FASTK: variants seen among roughly 807,000 people sequenced by gnomAD.
FASTK encodes Fas activated serine/threonine kinase, also known as fas-activated serine/threonine kinase.
Under a neutral mutation model 60.0 loss-of-function variants are expected in FASTK, and 28 were observed. The ratio of observed to expected loss-of-function variants is 0.47; its 90% confidence interval spans 0.35 to 0.64. The LOEUF is 0.64. Ranked by LOEUF, FASTK falls within the 30% of genes least tolerant of loss-of-function variation. The probability of loss-of-function intolerance (pLI) is 0.01; values close to 1 mark genes in which losing one functional copy is unlikely to be tolerated. For synonymous variants in FASTK, 325 were observed against 307.9 expected, an observed-to-expected ratio of 1.06 and a Z score of -0.58; for missense variants, 595 against 713.8, an observed-to-expected ratio of 0.83 and a Z score of 1.90.
At chr7:151,077,466 G>T in intron 6 of FASTK, 65 bp from the exon 7 acceptor site, 1 of 1,562,780 alleles carries the variant, frequency 6.4e-7, no homozygotes. Flanking sequence ...TCCCAGTCTA[G>T]TGCCACCACC....
At chr7:151,079,315 C>T (rs1563383177) in intron 2 of FASTK, 185 bp downstream of exon 2, 4 of 639,506 alleles carry the variant, frequency 6.3e-6, no homozygotes, top group Non-Finnish European at 1.1e-5. Context: ...GGGGTGGCAC[C>T]CTAGCGAGGC....
chr7:151,077,164 G>A lies in FASTK; in HGVS notation c.1364C>T (p.Pro455Leu). Reference protein sequence around the residue: ...VRTQDPFLPYPPRSCPQGQAA... With the variant: ...VRTQDPFLPYLPRSCPQGQAA... ...CTGGCCCTGTGGGCAGGACCTTGGT[G>A]GGTATGGCAGGAAGGGGTCCTGGGT... Residue 455 changes from proline (P) to leucine (L), a missense_variant, in exon 8 of 10, where the codon CCA becomes CTA. Around this residue, in one of 2 missense-constraint regions of FASTK, gnomAD observed 471 missense variants for 605.9 expected, o/e 0.78. Transcript: ENST00000297532. 1.2e-6 allele frequency: 2 copies of A among 1,613,352 alleles called. No individual in the cohort carries two copies. Among genetic ancestry groups the A allele is most frequent in the Non-Finnish European group, 1.7e-6 (2 of 1,179,736 alleles).
rs778477798 is a variant in FASTK, at chr7:151,079,483, C to T, written c.505+17G>A. 2 of 1,570,916 alleles carry T rather than the reference C, an allele frequency of 1.3e-6. No homozygotes were observed. Among genetic ancestry groups the T allele is most frequent in the South Asian group, 1.2e-5 (1 of 85,186 alleles). The stretch of plus-strand genomic sequence containing the variant: ...AACACCTAGCCCCCCAGGCGCCCAC[C>T]TCAAGCCCCTCCTCACCAAGTAAGA... On this transcript the variant is annotated intron_variant, in intron 2 of 9. Coordinates refer to ENST00000297532, the MANE Select transcript of FASTK (RefSeq NM_006712.5).
At chr7:151,077,581 C>T (rs756639318) in intron 6 of FASTK, 40 bp downstream of exon 6, 9 of 1,529,922 alleles carry the variant, frequency 5.9e-6, no homozygotes, top group Non-Finnish European at 7.9e-6. Flanking sequence ...CTGCTGGTCC[C>T]AGGCTGGCCC....
chr7:151,077,549 T>C, intron 6 of FASTK, 72 bp downstream of exon 6: 1 of 1,515,644 alleles, frequency 6.6e-7, no homozygotes, highest in Non-Finnish European at 8.9e-7. Flanking sequence ...TGGCGCTTCA[T>C]GGTCCCTCTG....
Position 151,080,720 on chromosome 7 carries a change from G to C in FASTK, c.47C>G (p.Thr16Ser). 7 of 1,355,338 alleles carry C rather than the reference G, an allele frequency of 5.2e-6. No homozygotes were observed. The highest frequency in any genetic ancestry group is 6.6e-6 in the Non-Finnish European group (7 of 1,055,572). 84.0% of individuals were successfully genotyped at this position (1,355,338 alleles called of 1,614,324 possible). Residue 16 changes from threonine to serine, a missense_variant, in exon 1 of 10, where the codon ACT becomes AGT. Thr to Ser is a moderately conservative substitution (Grantham distance 58, BLOSUM62 1). Coordinates refer to ENST00000297532, the MANE Select transcript of FASTK (RefSeq NM_006712.5). ...GGGCCCTGCGCAGGTCGCTCCCTCA[G>C]TCGGTCTCGGGGCCCGGGGGCCGGG... ...GEPGPRAPRP[T>S]EGATCAGPGE...
Position 151,077,650 on chromosome 7 carries a change from G to A in FASTK, c.1170C>T (p.Leu390=), listed in dbSNP as rs769664047. The change falls in exon 6 of 10, where the codon CTC becomes CTT. Residue 390 remains leucine (L), a synonymous_variant. Transcript: ENST00000297532. The stretch of plus-strand genomic sequence containing the variant: ...ACTTGCAGCGGGCACGGTCGGTGAT[G>A]AGAGGCTGGGGAAAGATGGGCACTT... ...RQQVPIFPQP[L]ITDRARCKYS... 3 of 1,564,070 alleles carry A rather than the reference G, an allele frequency of 1.9e-6. No homozygotes were observed. Among genetic ancestry groups the A allele is most frequent in the South Asian group, 1.2e-5 (1 of 83,422 alleles).
intron 4 of FASTK, 54 bp downstream of exon 4, chr7:151,078,508 G>C (rs1797796290): frequency 1.3e-6 from 2 of 1,595,710 alleles, no homozygotes; most frequent in Non-Finnish European, 8.6e-7. Context: ...CGCTGGGCCT[G>C]ACAAGGTCCC....
chr7:151,079,086 A>T (rs1797836532), intron 2 of FASTK, 65 bp from the exon 3 acceptor site: 1 of 1,356,048 alleles, frequency 7.4e-7, no homozygotes, highest in African/African-American at 1.5e-5. Flanking sequence ...TCATGGGGTT[A>T]CTTGGTGAAT....
intron 1 of FASTK, 184 bp downstream of exon 1, chr7:151,080,501 G>A: frequency 7.8e-7 from 1 of 1,286,022 alleles, no homozygotes; most frequent in Admixed American, 4.2e-5. Context: ...AAATGAAAAC[G>A]CAGCGCCCAC....
intron 1 of FASTK, 200 bp from the exon 2 acceptor site, chr7:151,080,122 G>A: frequency 3.5e-6 from 2 of 578,582 alleles, no homozygotes; most frequent in Non-Finnish European, 6.1e-6. Flanking sequence ...AGTGCGCTCA[G>A]CGCAGCACTA....
In FASTK at chr7:151,076,712, C is replaced by T. The variant is rs769389745; in HGVS notation, c.*13G>A. On this transcript the variant is annotated 3_prime_UTR_variant, in exon 10 of 10. Transcript: ENST00000297532. ...CCCCATGGGGGGGCCATCCTGAACC[C>T]CACATCAACCCCTCAGCCCCCTTCA... The T allele has an allele frequency of 2.0e-6, 3 of 1,529,540 alleles. No individual in the cohort carries two copies. The highest frequency in any genetic ancestry group is 2.1e-5 in the Admixed American group (1 of 48,072). 94.7% of individuals were successfully genotyped at this position (1,529,540 alleles called of 1,614,324 possible). A position where few individuals can be genotyped will look rare whatever the true frequency, so the allele number is the denominator to read the frequency against.
rs746579421 is a variant in FASTK at position 151,079,733 on chromosome 7, T to G, written c.272A>C (p.Gln91Pro). The G allele has an allele frequency of 3.1e-6, 5 of 1,601,042 alleles. No individual in the cohort carries two copies. Among genetic ancestry groups the G allele is most frequent in the Non-Finnish European group, 4.3e-6 (5 of 1,174,318 alleles). Residue 91 changes from glutamine to proline, a missense_variant, in exon 2 of 10, where the codon CAG (glutamine) becomes CCG (proline). This residue lies in a region of FASTK where 471 missense variants were observed against 605.9 expected (regional missense o/e 0.78). Transcript: ENST00000297532. Reference protein sequence around the residue: ...PVQGLQRLLEQAKSPGELLRW... With the variant: ...PVQGLQRLLEPAKSPGELLRW... Reference sequence around the variant, plus strand: ...CAGCAGCTCCCCAGGGCTCTTCGCCTGTTCCAGAAGCCGCTGCAGTCCTTG... The same window carrying G: ...CAGCAGCTCCCCAGGGCTCTTCGCCGGTTCCAGAAGCCGCTGCAGTCCTTG...
Position 151,077,316 on chromosome 7 carries a change from A to G in FASTK, c.1285T>C (p.Cys429Arg). 6.2e-7 allele frequency: 1 copy of G among 1,613,096 alleles called. No homozygotes were observed. Among genetic ancestry groups the G allele is most frequent in the Non-Finnish European group, 8.5e-7 (1 of 1,180,008 alleles). ...RQDLTVPPGY[C>R]TDFLLCASSS... Reference sequence around the variant, plus strand: ...CCGCCTGCCCCTTGCTCACCTGTGCAGTAGCCTGGAGGCACAGTCAGGTCC... The same window carrying G: ...CCGCCTGCCCCTTGCTCACCTGTGCGGTAGCCTGGAGGCACAGTCAGGTCC... The change falls in exon 7 of 10, where the codon TGC becomes CGC. Residue 429 changes from cysteine to arginine, a missense_variant. Cys to Arg is a radical substitution (Grantham distance 180). Transcript: ENST00000297532.
chr7:151,079,596 C>T lies in FASTK; in HGVS notation c.409G>A (p.Val137Ile), dbSNP rs1274694715. 7 of 1,613,992 alleles carry T rather than the reference C, an allele frequency of 4.3e-6. No homozygotes were observed. ...SRPRPPPVEQ[V>I]TLQDLSQLII... ...AGCTGACTCAAGTCCTGCAGTGTGA[C>T]CTGCTCCACAGGAGGGGGCCGTGGC... The change falls in exon 2 of 10, where the codon GTC becomes ATC. Residue 137 changes from valine (V) to isoleucine (I), a missense_variant. Val to Ile is a conservative substitution (Grantham distance 29). Around this residue, in one of 2 missense-constraint regions of FASTK, gnomAD observed 471 missense variants for 605.9 expected, o/e 0.78. Coordinates refer to ENST00000297532, the MANE Select transcript of FASTK (RefSeq NM_006712.5).
Position 151,078,551 on chromosome 7 carries a change from G to A in FASTK, c.825+11C>T, listed in dbSNP as rs1167926294. The A allele has an allele frequency of 6.2e-7, 1 of 1,612,090 alleles. No individual in the cohort carries two copies. The highest frequency in any genetic ancestry group is 1.7e-5 in the Admixed American group (1 of 59,982). Reference sequence around the variant, plus strand: ...GACAGAGATGCACTGGAGGGTGGGTGGCAAGCCCACCTTGCTGCTGAGTTG... The same window carrying A: ...GACAGAGATGCACTGGAGGGTGGGTAGCAAGCCCACCTTGCTGCTGAGTTG... On this transcript the variant is annotated intron_variant, in intron 4 of 9. Coordinates refer to ENST00000297532, the MANE Select transcript of FASTK (RefSeq NM_006712.5).
In FASTK at chr7:151,077,307, C is replaced by T; in HGVS notation, c.1291+3G>A. On this transcript the variant is annotated splice_donor_region_variant and intron_variant, in intron 7 of 9. Coordinates refer to ENST00000297532, the MANE Select transcript of FASTK (RefSeq NM_006712.5). Reference sequence around the variant, plus strand: ...CCGGGCCTGCCGCCTGCCCCTTGCTCACCTGTGCAGTAGCCTGGAGGCACA... The same window carrying T: ...CCGGGCCTGCCGCCTGCCCCTTGCTTACCTGTGCAGTAGCCTGGAGGCACA... 2 of 1,613,110 alleles carry T rather than the reference C, an allele frequency of 1.2e-6. No homozygotes were observed. The highest frequency in any genetic ancestry group is 1.7e-6 in the Non-Finnish European group (2 of 1,179,996).
At chr7:151,080,477 TCTC>T (rs1183482478) in intron 1 of FASTK, 3 of 1,277,920 alleles carry the variant, frequency 2.3e-6, no homozygotes, top group African/African-American at 3.1e-5. Context: ...TCTCTCTAAG[TCTC>T]CTCACCCGTG....
In FASTK at chr7:151,079,028, G is replaced by T; in HGVS notation, c.506-7C>A. 2.1e-6 allele frequency: 3 copies of T among 1,457,210 alleles called. No individual in the cohort carries two copies. The highest frequency in any genetic ancestry group is 2.6e-5 in the East Asian group (1 of 38,726). The allele number at this position is 1,457,210 out of a possible 1,614,324, so 90.3% of individuals were successfully genotyped here. ...GGACCATCAGATGGAAAGCCTGAGG[G>T]GGAGAGGTAAAAGGCAGCCTGGTAA... On this transcript the variant is annotated splice_region_variant and splice_polypyrimidine_tract_variant and intron_variant, in intron 2 of 9. Coordinates refer to ENST00000297532, the MANE Select transcript of FASTK (RefSeq NM_006712.5).
Sources: gnomAD v4.1 joint callset for allele counts on GRCh38, gnomAD v4.1.1 for gene constraint, gnomAD v4.1.1 regional missense constraint, MANE v1.5 for transcripts, NCBI Gene and HGNC (gene_info 2026-07-23, HGNC 2026-07-21) for gene names.